The following ACTR3B variants were observed in gnomAD, a reference collection of about 807,000 sequenced individuals.
ACTR3B encodes actin related protein 3B, also known as actin-related protein 3B.
Under a neutral mutation model 59.0 loss-of-function variants are expected in ACTR3B, and 8 were observed. The ratio of observed to expected loss-of-function variants is 0.14; its 90% CI spans 0.08 to 0.24. The LOEUF (loss-of-function observed/expected upper bound fraction) is 0.24. ACTR3B is among the 10% of genes least tolerant of loss of function. ACTR3B has a pLI of 1.00. For missense variants in ACTR3B, 245 were observed against 552.3 expected (o/e 0.44, Z 5.58); for synonymous variants, 148 against 197.9 (o/e 0.75, Z 2.12).
intron 1 of ACTR3B, among the ~76,000 whole-genome samples, chr7:152,765,249 C>T (rs957110988): frequency 2.0e-5 from 3 of 151,384 alleles, no homozygotes; most frequent in African/African-American, 7.3e-5. Flanking sequence ...TCCCAAGTAG[C>T]TGGGATTACA....
chr7:152,810,767 T>C (rs2689428), intron 4 of ACTR3B: 5 of 152,040 alleles, frequency 3.3e-5, no homozygotes, highest in South Asian at 2.1e-4. Flanking sequence ...CTGAGCGTGA[T>C]GGCATGTGCC....
At chr7:152,820,592 C>T (rs1309277769) in intron 7 of ACTR3B, 150 bp downstream of exon 7, 1 of 1,396,346 alleles carries the variant, frequency 7.2e-7, no homozygotes, top group Non-Finnish European at 9.5e-7. Context: ...CTTAAGTGGG[C>T]TGAAGATGTA....
chr7:152,802,177 G>T (rs1001912356), intron 4 of ACTR3B, among the ~76,000 whole-genome samples: 1 of 151,946 alleles, frequency 6.6e-6, no homozygotes, highest in East Asian at 1.9e-4. Flanking sequence ...TGCCTAACCT[G>T]GTTAGAGCAA....
intron 1 of ACTR3B, among the ~76,000 whole-genome samples, chr7:152,777,949 CAAAA>C (rs113672566): frequency 8.0e-6 from 1 of 124,430 alleles, no homozygotes; most frequent in Admixed American, 8.4e-5. Flanking sequence ...GACTCCGTCT[CAAAA>C]AAAAAAAAAA....
chr7:152,789,295 G>A (rs1330863088), intron 2 of ACTR3B, among the ~76,000 whole-genome samples: 1 of 149,178 alleles, frequency 6.7e-6, no homozygotes, highest in Non-Finnish European at 1.5e-5. Flanking sequence ...GGGAGGCTGA[G>A]GTGGGATGAT....
intron 2 of ACTR3B, among the ~76,000 whole-genome samples, chr7:152,791,040 G>A (rs2098194190): frequency 6.7e-6 from 1 of 148,266 alleles, no homozygotes; most frequent in Admixed American, 6.7e-5. Flanking sequence ...TTGAGACAGA[G>A]TCTTGCTCTG....
rs189860875 is a variant in ACTR3B, at chr7:152,837,181, A to C, written c.951+12059A>C. On this transcript the variant is annotated intron_variant, in intron 9 of 11. Transcript: ENST00000256001. Reference sequence around the variant, plus strand: ...ACAGAGTGAGACCTTGTCTCAAAAAAAAACAAACAAACCAAAAAAACAAAA... The same window carrying C: ...ACAGAGTGAGACCTTGTCTCAAAAACAAACAAACAAACCAAAAAAACAAAA... 5.5e-3 allele frequency among the ~76,000 whole-genome samples: 839 copies of C among 152,282 alleles called. 3 individuals are homozygous for C. The highest frequency in any genetic ancestry group is 0.019 in the African/African-American group (798 of 41,512).
chr7:152,803,162 C>G (rs926539689), intron 4 of ACTR3B, among the ~76,000 whole-genome samples: 1 of 152,220 alleles, frequency 6.6e-6, no homozygotes, highest in African/African-American at 2.4e-5. Context: ...CCTCCCACCT[C>G]AACCACCTGA....
intron 1 of ACTR3B, among the ~76,000 whole-genome samples, chr7:152,778,226 GA>G (rs1396827815): frequency 9.9e-6 from 1 of 101,456 alleles, no homozygotes; most frequent in African/African-American, 3.7e-5. Flanking sequence ...ATTGAGCCTA[GA>G]TTTTTTTTTT....
intron 4 of ACTR3B, among the ~76,000 whole-genome samples, chr7:152,804,892 C>T (rs2098247743): frequency 6.6e-6 from 1 of 152,068 alleles, no homozygotes. Context: ...CGCCTGAGAA[C>T]AATCAAACTC....
intron 1 of ACTR3B, among the ~76,000 whole-genome samples, chr7:152,768,945 C>G (rs2116515665): frequency 6.6e-6 from 1 of 152,166 alleles, no homozygotes; most frequent in East Asian, 1.9e-4. Context: ...CCTCCACCTC[C>G]TGGGTTCAGG....
intron 2 of ACTR3B, among the ~76,000 whole-genome samples, chr7:152,791,259 C>T (rs957532940): frequency 6.6e-6 from 1 of 152,134 alleles, no homozygotes; most frequent in Non-Finnish European, 1.5e-5. Context: ...TGTCCACCTG[C>T]CTCAGTCTGT....
chr7:152,804,744 AG>A (rs1166200274), intron 4 of ACTR3B, among the ~76,000 whole-genome samples: 1 of 152,224 alleles, frequency 6.6e-6, no homozygotes, highest in Admixed American at 6.5e-5. Context: ...CTCAGCGTGG[AG>A]GAACTTTCTT....
In ACTR3B at chr7:152,800,527, T is replaced by A. The variant is rs756894002; in HGVS notation, c.101-4T>A. 6.2e-6 allele frequency: 10 copies of A among 1,612,896 alleles called. No homozygotes were observed. In the Admixed American group the frequency reaches 1.7e-4, roughly 27 times the overall value. On this transcript the variant is annotated splice_polypyrimidine_tract_variant and splice_region_variant and intron_variant, in intron 2 of 11. Coordinates refer to ENST00000256001, the MANE Select transcript of ACTR3B (RefSeq NM_020445.6). ...GAAATCTGTGTGTGTGTGTTTTTTT[T>A]AAGGTATTGCCATCAGAGAGTCAGC...
intron 4 of ACTR3B, among the ~76,000 whole-genome samples, chr7:152,801,946 G>C (rs1050848964): frequency 6.6e-6 from 1 of 151,406 alleles, no homozygotes; most frequent in Admixed American, 6.6e-5. Flanking sequence ...GGCAGCTCTA[G>C]GGCTGTTGTT....
chr7:152,836,982 T>A (rs1386028918), intron 9 of ACTR3B, among the ~76,000 whole-genome samples: 2 of 152,134 alleles, frequency 1.3e-5, no homozygotes. Flanking sequence ...ACCAGCCTGG[T>A]TGACATAGCA....
chr7:152,793,945 G>T (rs1225334957), intron 2 of ACTR3B, among the ~76,000 whole-genome samples: 4 of 152,006 alleles, frequency 2.6e-5, no homozygotes. Context: ...CCATGTTACT[G>T]CTGGGCTGGG....
At chr7:152,815,157 A>G (rs1307681085) in intron 5 of ACTR3B, among the ~76,000 whole-genome samples, 1 of 151,808 alleles carries the variant, frequency 6.6e-6, no homozygotes, top group Non-Finnish European at 1.5e-5. Flanking sequence ...AATTGACTGA[A>G]ATTTTGGGGA....
intron 9 of ACTR3B, among the ~76,000 whole-genome samples, chr7:152,836,897 T>C (rs1480317868): frequency 6.6e-6 from 1 of 152,218 alleles, no homozygotes; most frequent in Non-Finnish European, 1.5e-5. Flanking sequence ...CAGGCCGGCC[T>C]TCATGGCTCA....
Sources: allele counts gnomAD v4.1 joint callset (sites outside exome capture counted in the v4.1 genomes callset), GRCh38; gene constraint gnomAD v4.1.1; transcripts MANE v1.5; gene names NCBI Gene and HGNC (gene_info 2026-07-23, HGNC 2026-07-21).